SUSD1: variants seen among roughly 807,000 people sequenced by gnomAD.
SUSD1 encodes sushi domain-containing protein 1.
SUSD1 carries 65 observed loss-of-function variants against 86.9 expected under a neutral mutation model. The observed-to-expected ratio is 0.75, with a 90% CI of 0.61 to 0.92. The LOEUF (loss-of-function observed/expected upper bound fraction) is 0.92. Among genes scored for constraint, SUSD1 ranks in the 40% least tolerant of loss-of-function variants. The probability of loss-of-function intolerance (pLI) is 0.00; values close to 1 mark genes in which losing one functional copy is unlikely to be tolerated. For missense variants in SUSD1, 850 were observed against 929.7 expected, an observed-to-expected ratio of 0.91 and a Z score of 1.11; for synonymous variants, 346 against 350.0, an observed-to-expected ratio of 0.99 and a Z score of 0.13.
intron 11 of SUSD1, among the ~76,000 whole-genome samples, chr9:112,079,183 T>G (rs1309778917): frequency 6.6e-6 from 1 of 152,068 alleles, no homozygotes; most frequent in Non-Finnish European, 1.5e-5. Flanking sequence ...AAAGGTGAAA[T>G]GCAGCAGTAA....
At chr9:112,099,440 G>GA (rs560708731) in intron 9 of SUSD1, among the ~76,000 whole-genome samples, 42 of 146,656 alleles carry the variant, frequency 2.9e-4, no homozygotes, top group South Asian at 2.2e-3. Context: ...ACCCATGGAA[G>GA]AAAAAAAAAA....
chr9:112,077,499 CTTTTTTTTT>C (rs869259276), intron 12 of SUSD1, among the ~76,000 whole-genome samples: 5 of 66,420 alleles, frequency 7.5e-5, no homozygotes, highest in African/African-American at 2.4e-4. Context: ...TAGTAATCTA[CTTTTTTTTT>C]TTTTTTTTTT....
chr9:112,143,145 T>C (rs946671906), intron 4 of SUSD1, among the ~76,000 whole-genome samples: 1 of 151,290 alleles, frequency 6.6e-6, no homozygotes, highest in African/African-American at 2.4e-5. Flanking sequence ...CCACCACACC[T>C]GGCTATTTTT....
At chr9:112,154,922 T>C (rs2900537) in intron 2 of SUSD1, among the ~76,000 whole-genome samples, 67,031 of 151,878 alleles carry the variant, frequency 0.44, 15,618 homozygotes, top group African/African-American at 0.61. Context: ...AATAAAGCCC[T>C]TTCTGCCCAT....
chr9:112,167,001 C>T (rs1325653734), intron 1 of SUSD1, among the ~76,000 whole-genome samples: 2 of 152,212 alleles, frequency 1.3e-5, no homozygotes, highest in East Asian at 3.8e-4. Context: ...CCAGCTAAAA[C>T]TACACCTAAC....
chr9:112,084,331 A>G (rs1375555788), intron 10 of SUSD1, among the ~76,000 whole-genome samples: 1 of 152,242 alleles, frequency 6.6e-6, no homozygotes, highest in Admixed American at 6.5e-5. Context: ...GAATGAGATG[A>G]CAATACATGA....
At chr9:112,052,121 C>T in intron 15 of SUSD1, 1 of 1,375,444 alleles carries the variant, frequency 7.3e-7, no homozygotes, top group Non-Finnish European at 9.4e-7. Context: ...AAACAGAGAA[C>T]TGAAACAAGA....
rs145415845 is a variant in SUSD1 at position 112,072,050 on chromosome 9, TAACCA to T, written c.1753+6483_1753+6487del. On this transcript the variant is annotated intron_variant, in intron 12 of 16. Coordinates refer to ENST00000374270, the MANE Select transcript of SUSD1 (RefSeq NM_022486.5). The stretch of plus-strand genomic sequence containing the variant: ...AGTAGGCAGCACAGGTCTTTGTACA[TAACCA>T]ATCGAAAAATATTTGCTAGTGACTT... Among the ~76,000 whole-genome samples the T allele has an allele frequency of 1.2e-3, 184 of 152,240 alleles. 1 individual carries two copies. Among genetic ancestry groups the T allele is most frequent in the African/African-American group, 4.3e-3 (178 of 41,560 alleles).
intron 6 of SUSD1, among the ~76,000 whole-genome samples, 190 bp downstream of exon 6, chr9:112,124,067 C>A (rs750856880): frequency 1.3e-5 from 2 of 152,056 alleles, no homozygotes; most frequent in African/African-American, 2.4e-5. Flanking sequence ...TTCTATCCAA[C>A]TTATTTTTCC....
At chr9:112,156,183 G>T (rs1408316158) in intron 2 of SUSD1, among the ~76,000 whole-genome samples, 1 of 151,574 alleles carries the variant, frequency 6.6e-6, no homozygotes, top group African/African-American at 2.4e-5. Flanking sequence ...AAACTCACTG[G>T]CCGGGCGCAG....
intron 6 of SUSD1, among the ~76,000 whole-genome samples, chr9:112,120,168 G>A (rs183837804): frequency 2.0e-5 from 3 of 152,118 alleles, no homozygotes; most frequent in Non-Finnish European, 4.4e-5. Context: ...TTAGCCATGC[G>A]TGGTGGGTCA....
At chr9:112,108,774 C>CAAAAAAAAAAAAAAAAAAAAAAAAAAA (rs11312103) in intron 8 of SUSD1, among the ~76,000 whole-genome samples, 1 of 68,604 alleles carries the variant, frequency 1.5e-5, no homozygotes, top group Non-Finnish European at 3.1e-5. Context: ...CTGGGTGTCT[C>CAAAAAAAAAAAAAAAAAAAAAAAAAAA]AAAAAAAAAA....
At chr9:112,053,198 T>G (rs922144500) in intron 14 of SUSD1, among the ~76,000 whole-genome samples, 6 of 152,082 alleles carry the variant, frequency 3.9e-5, no homozygotes, top group Non-Finnish European at 8.8e-5. Context: ...TATTAATTTT[T>G]TTTTTAATTT....
chr9:112,138,268 T>TATATATATATGTATATACAC (rs1564329075), intron 5 of SUSD1, among the ~76,000 whole-genome samples: 23 of 74,624 alleles, frequency 3.1e-4, no homozygotes, highest in South Asian at 8.8e-4. Context: ...TGTATATACA[T>TATATATATATGTATATACAC]ATATATATAT....
At chr9:112,049,567 T>C (rs1828101779) in intron 15 of SUSD1, among the ~76,000 whole-genome samples, 1 of 152,176 alleles carries the variant, frequency 6.6e-6, no homozygotes, top group Non-Finnish European at 1.5e-5. Context: ...AAAAGGTAAA[T>C]AGCATAATTT....
At chr9:112,121,587 C>T (rs1185528991) in intron 6 of SUSD1, among the ~76,000 whole-genome samples, 1 of 152,166 alleles carries the variant, frequency 6.6e-6, no homozygotes, top group Admixed American at 6.5e-5. Context: ...TCGTTATGAA[C>T]CACTGCTCTA....
At chr9:112,111,900 G>A (rs530818293) in intron 7 of SUSD1, 60 bp from the exon 8 acceptor site, 2 of 1,555,560 alleles carry the variant, frequency 1.3e-6, no homozygotes, top group East Asian at 4.5e-5. Context: ...TCCAGGATTT[G>A]TGGTGCTGGA....
At chr9:112,044,787 G>A (rs1299371646) in intron 15 of SUSD1, among the ~76,000 whole-genome samples, 1 of 152,176 alleles carries the variant, frequency 6.6e-6, no homozygotes, top group Non-Finnish European at 1.5e-5. Flanking sequence ...GAAACCTTAA[G>A]AGAATGAGAG....
chr9:112,074,363 C>T (rs1483378626), intron 12 of SUSD1, among the ~76,000 whole-genome samples: 3 of 152,186 alleles, frequency 2.0e-5, no homozygotes, highest in Non-Finnish European at 2.9e-5. Flanking sequence ...GAATTCAGTT[C>T]AATGTGCCGT....
Sources: allele counts gnomAD v4.1 joint callset (sites outside exome capture counted in the v4.1 genomes callset), GRCh38; gene constraint gnomAD v4.1.1; transcripts MANE v1.5; gene names NCBI Gene and HGNC (gene_info 2026-07-23, HGNC 2026-07-21).